The following PRELID2 variants were observed in gnomAD, a reference collection of about 807,000 sequenced individuals.
The protein encoded by PRELID2 is PRELI domain-containing protein 2.
PRELID2 carries 25 observed loss-of-function variants against 28.4 expected under a neutral mutation model. The ratio of observed to expected loss-of-function variants is 0.88; its 90% confidence interval spans 0.64 to 1.23. The LOEUF is 1.23. PRELID2 is among the 50% of genes most tolerant of loss of function. The pLI, the probability that PRELID2 is intolerant of heterozygous loss-of-function variation, is 0.00. For synonymous variants in PRELID2, 76 were observed against 71.6 expected (o/e 1.06, Z -0.31); for missense variants, 201 against 214.4 (o/e 0.94, Z 0.39).
the PRELID2 span, among the ~76,000 whole-genome samples, chr5:145,244,504 C>A: frequency 9.2e-5 from 14 of 151,916 alleles, no homozygotes; most frequent in Admixed American, 9.2e-4. Flanking sequence ...GGGGAATGAA[C>A]AGGAGGGAAA....
At chr5:145,254,402 TCTCTGTTCAAAA>T in the PRELID2 span, among the ~76,000 whole-genome samples, 2 of 152,140 alleles carry the variant, frequency 1.3e-5, no homozygotes, top group Non-Finnish European at 2.9e-5. Flanking sequence ...ATTATTTTGC[TCTCTGTTCAAAA>T]CACTACAAGT....
the PRELID2 span, among the ~76,000 whole-genome samples, chr5:145,328,697 T>G: frequency 2.6e-5 from 4 of 152,308 alleles, no homozygotes; most frequent in African/African-American, 9.6e-5. Flanking sequence ...AAGGCTAGAT[T>G]GTTAAAATTT....
Position 145,819,755 on chromosome 5 carries a change from C to A in PRELID2, c.207+190G>T, listed in dbSNP as rs1006795984. On this transcript the variant is annotated intron_variant, in intron 3 of 6. Coordinates refer to ENST00000683046, the MANE Select transcript of PRELID2 (RefSeq NM_205846.3). ...AAGAGTTCTTCACAAGACAGAGAGA[C>A]AAAGTATCTCCAGTGGCATCTGCTA... The A allele has an allele frequency of 5.0e-6, 3 of 597,604 alleles. No homozygotes were observed. The African/African-American group carries it at 5.7e-5, about 11-fold the overall frequency. The allele number at this position is 597,604 out of a possible 1,614,324, so 37.0% of individuals were successfully genotyped here.
intron 1 of PRELID2, among the ~76,000 whole-genome samples, chr5:145,574,734 G>C (rs2149620360): frequency 6.6e-6 from 1 of 152,308 alleles, no homozygotes; most frequent in South Asian, 2.1e-4. Flanking sequence ...ATCTGTGGAT[G>C]CTCAAGTCCC....
At chr5:145,579,063 G>C (rs1415059722) in intron 1 of PRELID2, among the ~76,000 whole-genome samples, 1 of 152,000 alleles carries the variant, frequency 6.6e-6, no homozygotes. Context: ...TAATAACTCT[G>C]TGCCTCTACT....
the PRELID2 span, among the ~76,000 whole-genome samples, chr5:145,265,916 G>A: frequency 1.2e-4 from 18 of 152,190 alleles, 2 homozygotes; most frequent in Middle Eastern, 0.034. Context: ...GACTTCATGG[G>A]CAATAACCCA....
intron 1 of PRELID2, among the ~76,000 whole-genome samples, chr5:145,545,366 G>A (rs996091423): frequency 1.3e-5 from 2 of 151,790 alleles, no homozygotes; most frequent in Non-Finnish European, 2.9e-5. Context: ...GAAGCCATGG[G>A]AGTTTCAGTT....
intron 1 of PRELID2, among the ~76,000 whole-genome samples, chr5:145,552,535 G>C (rs1178098869): frequency 1.3e-5 from 2 of 151,816 alleles, no homozygotes; most frequent in Non-Finnish European, 2.9e-5. Context: ...CCAACCCCCT[G>C]CCTCAGTTTG....
the PRELID2 span, among the ~76,000 whole-genome samples, chr5:145,387,244 A>T: frequency 6.6e-6 from 1 of 152,094 alleles, no homozygotes; most frequent in South Asian, 2.1e-4. Context: ...TTAAATAGGA[A>T]TGTAGATGCA....
intron 1 of PRELID2, among the ~76,000 whole-genome samples, chr5:145,661,824 G>A (rs952644825): frequency 1.1e-4 from 16 of 152,076 alleles, no homozygotes; most frequent in African/African-American, 3.9e-4. Context: ...ACTGCTGGGT[G>A]AGTTAGAATT....
At chr5:145,686,781 A>G (rs1248093359) in intron 1 of PRELID2, among the ~76,000 whole-genome samples, 3 of 152,182 alleles carry the variant, frequency 2.0e-5, no homozygotes, top group Admixed American at 1.3e-4. Context: ...AGTACCCAAC[A>G]TCTGGGTAAA....
chr5:145,663,587 GTATT>G (rs1361927469), intron 1 of PRELID2, among the ~76,000 whole-genome samples: 1 of 152,088 alleles, frequency 6.6e-6, no homozygotes, highest in Non-Finnish European at 1.5e-5. Flanking sequence ...CTTTTAAAAA[GTATT>G]TATTTATACA....
the PRELID2 span, among the ~76,000 whole-genome samples, chr5:145,294,738 G>A: frequency 1.3e-5 from 2 of 152,102 alleles, no homozygotes; most frequent in Non-Finnish European, 2.9e-5. Context: ...ATGTAGTTTA[G>A]GTGATAGAAC....
intron 1 of PRELID2, among the ~76,000 whole-genome samples, chr5:145,485,819 G>A (rs1465525586): frequency 6.6e-6 from 1 of 152,146 alleles, no homozygotes; most frequent in African/African-American, 2.4e-5. Flanking sequence ...GTAATTTGTT[G>A]ATCAAGACAA....
At chr5:145,375,254 T>A in the PRELID2 span, among the ~76,000 whole-genome samples, 1 of 152,132 alleles carries the variant, frequency 6.6e-6, no homozygotes, top group Non-Finnish European at 1.5e-5. Flanking sequence ...TGTGGTTTGC[T>A]GGCGTTTCAC....
At chr5:145,483,748 G>C (rs116198022) in intron 1 of PRELID2, among the ~76,000 whole-genome samples, 2,032 of 152,222 alleles carry the variant, frequency 0.013, 37 homozygotes, top group African/African-American at 0.047. Flanking sequence ...ACAATCTACG[G>C]AGTTGAAAAC....
chr5:145,472,380 C>T (rs1295307017), intron 2 of PRELID2, among the ~76,000 whole-genome samples: 1 of 152,076 alleles, frequency 6.6e-6, no homozygotes, highest in Non-Finnish European at 1.5e-5. Flanking sequence ...CTTCATTTTT[C>T]ACAAGAGGAA....
chr5:145,237,441 A>C, the PRELID2 span, among the ~76,000 whole-genome samples: 1 of 152,020 alleles, frequency 6.6e-6, no homozygotes, highest in Non-Finnish European at 1.5e-5. Context: ...TGATTTTTTT[A>C]ATGGTTGTCT....
intron 1 of PRELID2, among the ~76,000 whole-genome samples, chr5:145,478,192 C>T (rs1472169645): frequency 6.6e-6 from 1 of 152,086 alleles, no homozygotes; most frequent in African/African-American, 2.4e-5. Context: ...TTGGATGTGG[C>T]TAGTTCAAAT....
Sources: allele counts gnomAD v4.1 joint callset (sites outside exome capture counted in the v4.1 genomes callset), GRCh38; gene constraint gnomAD v4.1.1; transcripts MANE v1.5; gene names NCBI Gene and HGNC (gene_info 2026-07-23, HGNC 2026-07-21).